The following XKR4 variants were observed in gnomAD, a reference collection of about 807,000 sequenced individuals.
The protein encoded by XKR4 is XK related 4, also known as XK-related protein 4.
In XKR4, 12 loss-of-function variants were observed where a neutral mutation model predicts 53.9. The observed-to-expected ratio is 0.22, with a 90% CI of 0.14 to 0.36. XKR4 has a LOEUF of 0.36. Ranked by LOEUF, XKR4 falls within the 10% of genes least tolerant of loss-of-function variation. The pLI, the probability that XKR4 is intolerant of heterozygous loss-of-function variation, is 1.00. For missense variants in XKR4, 799 were observed against 859.5 expected (o/e 0.93, Z 0.88); for synonymous variants, 354 against 362.4 (o/e 0.98, Z 0.26).
intron 2 of XKR4, among the ~76,000 whole-genome samples, chr8:55,433,625 C>CT (rs1805132825): frequency 6.6e-6 from 1 of 152,114 alleles, no homozygotes; most frequent in African/African-American, 2.4e-5. Flanking sequence ...CAAATGAAAC[C>CT]TTTGAAAAGG....
chr8:55,428,594 T>G (rs1218531934), intron 2 of XKR4, among the ~76,000 whole-genome samples: 1 of 152,212 alleles, frequency 6.6e-6, no homozygotes, highest in Non-Finnish European at 1.5e-5. Flanking sequence ...CTTTCATCCC[T>G]GCTAGGCAGC....
chr8:55,102,555 C>G lies in XKR4; in HGVS notation c.67C>G (p.Gln23Glu). ...CAGCGACGTGGCGTTCACCCCGCTG[C>G]AGAACTCGGACCACTCGGGCTCGGT... ...KSSDVAFTPL[Q>E]NSDHSGSVQG... The change falls in exon 1 of 3, where the codon CAG becomes GAG. Residue 23 changes from glutamine to glutamate, a missense_variant. Physicochemically the swap from Gln to Glu is conservative, Grantham distance 29. Coordinates refer to ENST00000327381, the MANE Select transcript of XKR4 (RefSeq NM_052898.2). The surrounding 1 kb of genome is among the most constrained non-coding windows in gnomAD (Gnocchi z 5.1). 1 of 1,554,350 alleles carries G rather than the reference C, an allele frequency of 6.4e-7. No homozygotes were observed. Among genetic ancestry groups the G allele is most frequent in the East Asian group, 2.6e-5 (1 of 38,230 alleles).
chr8:55,206,215 C>G (rs932903375), intron 1 of XKR4, among the ~76,000 whole-genome samples: 15 of 152,038 alleles, frequency 9.9e-5, no homozygotes, highest in Non-Finnish European at 1.6e-4. Flanking sequence ...CGGGTTGCCA[C>G]TGGGGCTGGG....
At chr8:55,489,978 C>T (rs908792552) in intron 2 of XKR4, among the ~76,000 whole-genome samples, 13 of 152,100 alleles carry the variant, frequency 8.5e-5, no homozygotes, top group African/African-American at 2.9e-4. Context: ...TGTTATAAAC[C>T]CCCATGGTAC....
intron 2 of XKR4, among the ~76,000 whole-genome samples, chr8:55,420,797 GATAA>G (rs35390370): frequency 0.67 from 99,885 of 148,750 alleles, 34,105 homozygotes; most frequent in South Asian, 0.75. Context: ...ATAATAAATA[GATAA>G]ATAAATAAAT....
intron 1 of XKR4, among the ~76,000 whole-genome samples, chr8:55,237,542 C>G (rs1267329021): frequency 6.6e-6 from 1 of 152,130 alleles, no homozygotes; most frequent in African/African-American, 2.4e-5. Context: ...AGAGGAGGGT[C>G]TCAGGGGTGG....
chr8:55,403,433 A>G (rs1489598536), intron 2 of XKR4, among the ~76,000 whole-genome samples: 2 of 152,256 alleles, frequency 1.3e-5, no homozygotes, highest in African/African-American at 4.8e-5. Flanking sequence ...TTTTCAAACT[A>G]TGTTTTTTAG....
intron 1 of XKR4, among the ~76,000 whole-genome samples, chr8:55,227,880 A>G (rs1167775148): frequency 6.6e-6 from 1 of 152,130 alleles, no homozygotes; most frequent in Non-Finnish European, 1.5e-5. Context: ...GGTTCTCTGT[A>G]TGCCACATAA....
At chr8:55,212,014 G>T (rs1338452866) in intron 1 of XKR4, among the ~76,000 whole-genome samples, 2 of 152,098 alleles carry the variant, frequency 1.3e-5, no homozygotes, top group African/African-American at 2.4e-5. Context: ...AGGGGGTGGA[G>T]GGGCAGGGAG....
At chr8:55,439,090 A>G (rs946080612) in intron 2 of XKR4, among the ~76,000 whole-genome samples, 6 of 152,188 alleles carry the variant, frequency 3.9e-5, no homozygotes, top group African/African-American at 1.4e-4. Context: ...ATAAGATTAA[A>G]ATGTCTTTTG....
chr8:55,486,788 T>C (rs1806197024), intron 2 of XKR4, among the ~76,000 whole-genome samples: 1 of 152,214 alleles, frequency 6.6e-6, no homozygotes, highest in South Asian at 2.1e-4. Context: ...CCAATAATAA[T>C]TAGCTTTTAA....
intron 1 of XKR4, among the ~76,000 whole-genome samples, chr8:55,192,818 A>G (rs941983169): frequency 1.3e-5 from 2 of 152,186 alleles, no homozygotes; most frequent in Admixed American, 6.5e-5. Context: ...GAGGAAAACT[A>G]TGGAATTACA....
At chr8:55,493,208 G>C (rs1026008035) in intron 2 of XKR4, among the ~76,000 whole-genome samples, 1 of 152,222 alleles carries the variant, frequency 6.6e-6, no homozygotes, top group Admixed American at 6.5e-5. Context: ...AATTGGGAAA[G>C]TTGGTGGTTT....
chr8:55,127,513 A>G (rs901217212), intron 1 of XKR4, among the ~76,000 whole-genome samples: 3 of 151,188 alleles, frequency 2.0e-5, no homozygotes, highest in African/African-American at 7.3e-5. Context: ...TTGGCCTCCC[A>G]AAGTGCTGGG....
At chr8:55,148,082 C>A (rs1017406072) in intron 1 of XKR4, among the ~76,000 whole-genome samples, 1 of 152,010 alleles carries the variant, frequency 6.6e-6, no homozygotes, top group Non-Finnish European at 1.5e-5. Context: ...TACAAAATTG[C>A]AAAAAATGCA....
chr8:55,312,813 A>G (rs1177059177), intron 1 of XKR4, among the ~76,000 whole-genome samples: 2 of 152,206 alleles, frequency 1.3e-5, no homozygotes, highest in African/African-American at 4.8e-5. Context: ...AAAGACAGCT[A>G]TATAATCTAA....
chr8:55,326,204 C>G (rs898930623), intron 1 of XKR4, among the ~76,000 whole-genome samples: 6 of 151,906 alleles, frequency 3.9e-5, no homozygotes, highest in Admixed American at 6.6e-5. Context: ...ATTGTTCAGG[C>G]AAAAAAATCA....
chr8:55,154,448 A>C (rs1816878974), intron 1 of XKR4, among the ~76,000 whole-genome samples: 1 of 152,204 alleles, frequency 6.6e-6, no homozygotes, highest in African/African-American at 2.4e-5. Flanking sequence ...TTTCTATTTA[A>C]ATTTAATTTT....
At chr8:55,377,952 G>A (rs1053414778) in intron 2 of XKR4, among the ~76,000 whole-genome samples, 9 of 152,324 alleles carry the variant, frequency 5.9e-5, no homozygotes, top group African/African-American at 1.9e-4. Flanking sequence ...GGAAGATTGT[G>A]TGCGCGTAAT....
Sources: gnomAD v4.1 joint callset for allele counts (sites outside exome capture counted in the v4.1 genomes callset) on GRCh38, gnomAD v4.1.1 for gene constraint, Gnocchi (gnomAD v3.1) non-coding constraint, MANE v1.5 for transcripts, NCBI Gene and HGNC (gene_info 2026-07-23, HGNC 2026-07-21) for gene names.